The following VSX1 variants were observed in gnomAD, a reference collection of about 807,000 sequenced individuals.
The protein encoded by VSX1 is visual system homeobox 1, also known as homeodomain protein RINX.
VSX1 carries 23 observed loss-of-function variants against 23.6 expected under a neutral mutation model. The ratio of observed to expected loss-of-function variants is 0.97; its 90% CI spans 0.70 to 1.38. The LOEUF (loss-of-function observed/expected upper bound fraction) is 1.38, where lower values mean the gene tolerates loss of function less well. VSX1 is among the 40% of genes most tolerant of loss of function. The pLI is 0.00. For missense variants in VSX1, 517 were observed against 495.4 expected (o/e 1.04, Z -0.41); for synonymous variants, 247 against 215.1 (o/e 1.15, Z -1.30).
intron 3 of VSX1, chr20:25,078,562 C>A: frequency 4.6e-4 from 503 of 1,086,774 alleles, no homozygotes; most frequent in East Asian, 2.0e-3. Flanking sequence ...TTTTTTTTTT[C>A]ATTGACATAT....
intron 1 of VSX1, among the ~76,000 whole-genome samples, chr20:25,080,812 C>G (rs1411752987): frequency 3.3e-5 from 5 of 152,186 alleles, no homozygotes; most frequent in Non-Finnish European, 7.3e-5. Flanking sequence ...ACCTGCCTGC[C>G]TATTGATCTG....
At chr20:25,076,611 G>C in intron 4 of VSX1, 61 bp from the exon 5 acceptor site, 3 of 1,521,528 alleles carry the variant, frequency 2.0e-6, no homozygotes, top group Non-Finnish European at 2.7e-6. Context: ...CAGCAATGAA[G>C]TAAATTTCCT....
At chr20:25,079,333 G>T in intron 2 of VSX1, 103 bp downstream of exon 2, 1 of 1,219,338 alleles carries the variant, frequency 8.2e-7, no homozygotes, top group East Asian at 2.6e-5. Flanking sequence ...GAAACCACTG[G>T]GCCTGCTATC....
downstream of VSX1, chr20:25,071,684 G>A: frequency 1.6e-6 from 1 of 635,106 alleles, no homozygotes; most frequent in Non-Finnish European, 2.9e-6. Flanking sequence ...TGTCATGACT[G>A]CAGGTTTATT....
At chr20:25,081,305 C>G in intron 1 of VSX1, 1 of 485,678 alleles carries the variant, frequency 2.1e-6, no homozygotes, top group South Asian at 1.7e-5. Context: ...CAGGCCCGGG[C>G]CTTCCCGACC....
intron 4 of VSX1, 47 bp downstream of exon 4, chr20:25,077,638 C>T: frequency 1.3e-6 from 2 of 1,538,064 alleles, no homozygotes; most frequent in South Asian, 1.2e-5. Flanking sequence ...GATTCCCCCA[C>T]CTCCTACAAC....
chr20:25,078,771 G>T (rs896238149), intron 3 of VSX1, 58 bp downstream of exon 3: 1 of 1,614,066 alleles, frequency 6.2e-7, no homozygotes, highest in African/African-American at 1.3e-5. Flanking sequence ...CTCACTGAAT[G>T]TGGGAATGAC....
chr20:25,073,074 G>GC (rs1454410964), downstream of VSX1, among the ~76,000 whole-genome samples: 1 of 152,130 alleles, frequency 6.6e-6, no homozygotes, highest in Non-Finnish European at 1.5e-5. Flanking sequence ...AATCCTGCTG[G>GC]CCTCTCCATC....
rs1338057792 is a variant in VSX1, at chr20:25,076,557, A to G, written c.809-7T>C. On this transcript the variant is annotated splice_region_variant and splice_polypyrimidine_tract_variant and intron_variant, in intron 4 of 4. Transcript: ENST00000376709. Reference sequence around the variant, plus strand: ...ATGGATTTTTTATGCATCCCTTGTAAAAAAAAAAATAAAAAGGAAAAAATA... The same window carrying G: ...ATGGATTTTTTATGCATCCCTTGTAGAAAAAAAAATAAAAAGGAAAAAATA... 9 of 1,575,024 alleles carry G rather than the reference A, an allele frequency of 5.7e-6. No individual in the cohort carries two copies. The highest frequency in any genetic ancestry group is 7.7e-6 in the Non-Finnish European group (9 of 1,164,358).
In VSX1 at chr20:25,081,995, C is replaced by G. The variant is rs1282235361; in HGVS notation, c.102G>C (p.Thr34=). ...RGSRPRGFAI[T]DLLGLEAELP... is the part of the protein sequence containing the mutation. The stretch of plus-strand genomic sequence containing the variant: ...GCTCGGCCTCCAAGCCCAGCAGGTC[C>G]GTGATGGCGAAGCCCCGGGGGCGCG... The change falls in exon 1 of 5, where the codon ACG becomes ACC. Residue 34 remains threonine (T), a synonymous_variant. Coordinates refer to ENST00000376709, the MANE Select transcript of VSX1 (RefSeq NM_014588.6). 8.3e-5 allele frequency: 127 copies of G among 1,534,164 alleles called. No homozygotes were observed. The highest frequency in any genetic ancestry group is 1.1e-4 in the Non-Finnish European group (126 of 1,146,690).
downstream of VSX1, chr20:25,071,784 TG>T (rs1392383982): frequency 1.4e-6 from 1 of 702,334 alleles, no homozygotes; most frequent in East Asian, 2.7e-5. Context: ...TCCTTGCACA[TG>T]GGGTGCCCTG....
At chr20:25,074,619 C>G (rs797009116), downstream of VSX1, among the ~76,000 whole-genome samples, 2 of 151,994 alleles carry the variant, frequency 1.3e-5, no homozygotes, top group African/African-American at 4.8e-5. Context: ...TTTTTTTACT[C>G]AGCAAAATTT....
At chr20:25,077,447 C>G (rs1229583638) in intron 4 of VSX1, among the ~76,000 whole-genome samples, 1 of 152,234 alleles carries the variant, frequency 6.6e-6, no homozygotes, top group African/African-American at 2.4e-5. Context: ...ACATATTTAG[C>G]ATGCATAGCC....
At position 25,078,817 on chromosome 20, in the gene VSX1, G is replaced by A. The variant is rs1013198014; in HGVS notation, c.627+12C>T. 1 of 1,613,990 alleles carries A rather than the reference G, an allele frequency of 6.2e-7. No individual in the cohort carries two copies. The highest frequency in any genetic ancestry group is 8.5e-7 in the Non-Finnish European group (1 of 1,180,038). On this transcript the variant is annotated intron_variant, in intron 3 of 4. Transcript: ENST00000376709. ...TGGTATCTTTGGAGCGGAGAAAAGG[G>A]ACCCCAGACACCTGTATCCGGTCTT...
intron 3 of VSX1, chr20:25,078,589 T>C (rs2089562332): frequency 1.4e-6 from 2 of 1,422,422 alleles, no homozygotes; most frequent in East Asian, 2.5e-5. Context: ...AGTTTCTAGT[T>C]GCAGCACACA....
downstream of VSX1, chr20:25,071,905 A>T (rs1172375899): frequency 7.1e-6 from 5 of 704,660 alleles, no homozygotes; most frequent in Non-Finnish European, 1.3e-5. Flanking sequence ...GGCAGACTTT[A>T]GCAGCATTAC....
chr20:25,076,474 G>A lies in VSX1; in HGVS notation c.885C>T (p.Asp295=). ...EDKLAGLWGS[D]HFKEGSSQSE... is the part of the protein sequence containing the mutation. ...TCTGGCTAGAACCTTCTTTGAAGTGGTCAGAGCCCCAGAGTCCTGCCAACT... is the reference window on the plus strand; with the variant it reads ...TCTGGCTAGAACCTTCTTTGAAGTGATCAGAGCCCCAGAGTCCTGCCAACT... Residue 295 remains aspartate, a synonymous_variant, in exon 5 of 5, where the codon GAC becomes GAT. Coordinates refer to ENST00000376709, the MANE Select transcript of VSX1 (RefSeq NM_014588.6). 1 of 1,613,944 alleles carries A rather than the reference G, an allele frequency of 6.2e-7. No individual in the cohort carries two copies. Among genetic ancestry groups the A allele is most frequent in the African/African-American group, 1.3e-5 (1 of 74,920 alleles).
chr20:25,078,563 ATTG>A, intron 3 of VSX1: 1 of 1,246,894 alleles, frequency 8.0e-7, no homozygotes, highest in South Asian at 2.7e-5. Context: ...TTTTTTTTTC[ATTG>A]ACATATCTTT....
At position 25,081,741 on chromosome 20, in the gene VSX1, G is replaced by A; in HGVS notation, c.356C>T (p.Pro119Leu). 2.7e-6 allele frequency: 4 copies of A among 1,499,962 alleles called. No individual in the cohort carries two copies. The highest frequency in any genetic ancestry group is 3.5e-6 in the Non-Finnish European group (4 of 1,132,588). 92.9% of individuals were successfully genotyped at this position (1,499,962 alleles called of 1,614,324 possible). Residue 119 changes from proline to leucine, a missense_variant, in exon 1 of 5, where the codon CCG (proline) becomes CTG (leucine). Physicochemically the swap from Pro to Leu is moderately conservative, Grantham distance 98. Transcript: ENST00000376709. Reference sequence around the variant, plus strand: ...AGGCGGCGGACGGCTGGGAGCCAGCGGGGCAGCGGGCTCGGGGCCCCTGGG... The same window carrying A: ...AGGCGGCGGACGGCTGGGAGCCAGCAGGGCAGCGGGCTCGGGGCCCCTGGG... ...LPPRGPEPAA[P>L]LAPSRPPPAL...
Sources: gnomAD v4.1 joint callset for allele counts (sites outside exome capture counted in the v4.1 genomes callset) on GRCh38, gnomAD v4.1.1 for gene constraint, MANE v1.5 for transcripts, NCBI Gene and HGNC (gene_info 2026-07-23, HGNC 2026-07-21) for gene names.